The following GUF1 variants were observed in gnomAD, a reference collection of about 807,000 sequenced individuals.
GUF1 encodes the protein translation factor GUF1, mitochondrial.
Under a neutral mutation model 82.4 loss-of-function variants are expected in GUF1, and 78 were observed. That is an observed-to-expected ratio of 0.95 (90% CI 0.79 to 1.14). The LOEUF is 1.14. Ranked by LOEUF, GUF1 falls within the 50% of genes most tolerant of loss-of-function variation. GUF1 has a pLI of 0.00. For synonymous variants in GUF1, 279 were observed against 282.3 expected, an observed-to-expected ratio of 0.99 and a Z score of 0.12; for missense variants, 814 against 798.2, an observed-to-expected ratio of 1.02 and a Z score of -0.24.
Position 44,689,352 on chromosome 4 carries a change from A to G in GUF1, c.1145A>G (p.Asn382Ser). 2.5e-6 allele frequency: 4 copies of G among 1,610,790 alleles called. No homozygotes were observed. The highest frequency in any genetic ancestry group is 2.5e-6 in the Non-Finnish European group (3 of 1,177,858). Residue 382 changes from asparagine (N) to serine (S), a missense_variant, in exon 10 of 17, where the codon AAT becomes AGT. Asn to Ser is a conservative substitution (Grantham distance 46). Coordinates refer to ENST00000281543, the MANE Select transcript of GUF1 (RefSeq NM_021927.3). ...AGTGCTATAGAAAAACTGACTTTAA[A>G]TGATTCCAGTGTGACCGTTCATCGG... ...LKSAIEKLTLNDSSVTVHRDS... is the reference protein window; with the variant it reads ...LKSAIEKLTLSDSSVTVHRDS...
At chr4:44,680,644 CT>C (rs754058609) in intron 2 of GUF1, 49 bp from the exon 3 acceptor site, 11,414 of 1,183,016 alleles carry the variant, frequency 9.6e-3, no homozygotes, top group South Asian at 0.016. Flanking sequence ...GTAATATTCT[CT>C]TTTTTTTTTA....
chr4:44,689,594 A>G (rs1342433993), intron 10 of GUF1, among the ~76,000 whole-genome samples, 185 bp downstream of exon 10: 1 of 151,824 alleles, frequency 6.6e-6, no homozygotes, highest in Admixed American at 6.6e-5. Flanking sequence ...AACGAAAACA[A>G]TTTTTATCTG....
chr4:44,689,393 C>G lies in GUF1; in HGVS notation c.1186C>G (p.Leu396Val), dbSNP rs763786190. Residue 396 changes from leucine (L) to valine (V), a missense_variant, in exon 10 of 17, where the codon CTG becomes GTG. By Grantham distance (32) the Leu-to-Val change is conservative. Transcript: ENST00000281543. Reference protein sequence around the residue: ...VTVHRDSSLALGAGWRLGFLG... With the variant: ...VTVHRDSSLAVGAGWRLGFLG... ...CGTTCATCGGGATAGTAGCCTTGCT[C>G]TGGGTGCTGGCTGGAGGTAAGATTC... is the stretch of plus-strand genomic sequence containing the variant. 2 of 1,605,194 alleles carry G rather than the reference C, an allele frequency of 1.2e-6. No individual in the cohort carries two copies. The highest frequency in any genetic ancestry group is 2.2e-5 in the East Asian group (1 of 44,456).
intron 16 of GUF1, 78 bp downstream of exon 16, chr4:44,697,522 T>G (rs1715911571): frequency 2.8e-6 from 2 of 710,150 alleles, no homozygotes; most frequent in African/African-American, 3.7e-5. Context: ...CTTATTGATT[T>G]CCATTGTTGG....
At chr4:44,682,736 A>G (rs561987976) in intron 5 of GUF1, 5 of 179,450 alleles carry the variant, frequency 2.8e-5, no homozygotes, top group Non-Finnish European at 4.6e-5. Context: ...GGAAGAAACA[A>G]TACAACACAT....
chr4:44,697,064 ATTGGTAATTT>A, intron 15 of GUF1, among the ~76,000 whole-genome samples: 1 of 152,178 alleles, frequency 6.6e-6, no homozygotes, highest in East Asian at 1.9e-4. Context: ...TAATTTTTAG[ATTGGTAATTT>A]TTAGATTGAG....
intron 13 of GUF1, 81 bp downstream of exon 13, chr4:44,691,880 T>C (rs1015585374): frequency 5.2e-6 from 5 of 970,546 alleles, no homozygotes; most frequent in Middle Eastern, 4.7e-4. Flanking sequence ...ATTCTTCATT[T>C]ATTTAGTAAT....
Position 44,699,990 on chromosome 4 carries a change from C to T in GUF1, c.*1309C>T, listed in dbSNP as rs183104986. ...GTATTTCTCCAGAGCTCTCAGCTCC[C>T]ATGTTTATTCAGCCAACGAACAAAC... On this transcript the variant is annotated 3_prime_UTR_variant, in exon 17 of 17. Coordinates refer to ENST00000281543, the MANE Select transcript of GUF1 (RefSeq NM_021927.3). 1.3e-5 allele frequency: 2 copies of T among 152,312 alleles called. No individual in the cohort carries two copies. Among genetic ancestry groups the T allele is most frequent in the African/African-American group, 4.8e-5 (2 of 41,556 alleles). The allele number at this position is 152,312 out of a possible 1,614,324, so 9.4% of individuals were successfully genotyped here. A position where few individuals can be genotyped will look rare whatever the true frequency, so the allele number is the denominator to read the frequency against.
chr4:44,678,714 G>C lies in GUF1; in HGVS notation c.92G>C (p.Arg31Pro), dbSNP rs1461055127. ...GCGCTTCTGGTGGCCCCGGGGCCCC[G>C]GTCCGCGCCGACCCTTGGGGCTGCT... ...GAALLVAPGP[R>P]SAPTLGAAPE... The change falls in exon 1 of 17, where the codon CGG (arginine) becomes CCG (proline). Residue 31 changes from arginine (R) to proline (P), a missense_variant. Physicochemically the swap from Arg to Pro is moderately radical, Grantham distance 103. Transcript: ENST00000281543. The C allele has an allele frequency of 6.6e-7, 1 of 1,511,894 alleles. No homozygotes were observed. The highest frequency in any genetic ancestry group is 8.7e-7 in the Non-Finnish European group (1 of 1,143,812). The allele number at this position is 1,511,894 out of a possible 1,614,324, so 93.7% of individuals were successfully genotyped here. A position where few individuals can be genotyped will look rare whatever the true frequency, so the allele number is the denominator to read the frequency against.
In GUF1 at chr4:44,678,610, C is replaced by A; in HGVS notation, c.-13C>A. 1 of 1,446,350 alleles carries A rather than the reference C, an allele frequency of 6.9e-7. No individual in the cohort carries two copies. The highest frequency in any genetic ancestry group is 9.0e-7 in the Non-Finnish European group (1 of 1,109,550). The allele number at this position is 1,446,350 out of a possible 1,614,324, so 89.6% of individuals were successfully genotyped here. On this transcript the variant is annotated 5_prime_UTR_variant, in exon 1 of 17. Coordinates refer to ENST00000281543, the MANE Select transcript of GUF1 (RefSeq NM_021927.3). ...TGTGGGTACCCTCTCCTGACGCCTC[C>A]GCCGCCCGGGTCATGTGGACCCTCG...
In GUF1 at chr4:44,689,907, G is replaced by A. The variant is rs776511737; in HGVS notation, c.1267G>A (p.Ala423Thr). ...CCAGCGACTGGAGCAAGAATATAATGCTTCTGTTATTTTAACAACCCCTAC... is the reference window on the plus strand; with the variant it reads ...CCAGCGACTGGAGCAAGAATATAATACTTCTGTTATTTTAACAACCCCTAC... The part of the protein sequence containing the change: ...FNQRLEQEYN[A>T]SVILTTPTVP... The change falls in exon 11 of 17, where the codon GCT (alanine) becomes ACT (threonine). Residue 423 changes from alanine to threonine, a missense_variant. Transcript: ENST00000281543. The A allele has an allele frequency of 6.2e-7, 1 of 1,608,088 alleles. No homozygotes were observed. The highest frequency in any genetic ancestry group is 8.5e-7 in the Non-Finnish European group (1 of 1,175,838).
At chr4:44,688,582 A>C (rs1240518679) in intron 9 of GUF1, among the ~76,000 whole-genome samples, 1 of 151,906 alleles carries the variant, frequency 6.6e-6, no homozygotes, top group Non-Finnish European at 1.5e-5. Context: ...TCAAGTACGT[A>C]TAATTTCAGA....
chr4:44,678,908 G>T, intron 1 of GUF1, 121 bp downstream of exon 1: 1 of 1,009,084 alleles, frequency 9.9e-7, no homozygotes, highest in Non-Finnish European at 1.4e-6. Context: ...ACTTGGTACA[G>T]GGAGGCAGAG....
chr4:44,689,979 C>G lies in GUF1; in HGVS notation c.1335+4C>G. 1 of 1,566,504 alleles carries G rather than the reference C, an allele frequency of 6.4e-7. No homozygotes were observed. The highest frequency in any genetic ancestry group is 8.7e-7 in the Non-Finnish European group (1 of 1,151,078). On this transcript the variant is annotated splice_donor_region_variant and intron_variant, in intron 11 of 16. Transcript: ENST00000281543. ...GTCATCATCAAAATTGATAAAGGTA[C>G]TTGGTATTTAGTACTGGTATTTAGT...
At position 44,698,587 on chromosome 4, in the gene GUF1, A is replaced by G. The variant is rs1715997741; in HGVS notation, c.1916A>G (p.Gln639Arg). ...CGAAAAATGAAGCTTTTGAAGAGACAAGCAGAAGGGAAAAAAAAGCTGAGG... is the reference window on the plus strand; with the variant it reads ...CGAAAAATGAAGCTTTTGAAGAGACGAGCAGAAGGGAAAAAAAAGCTGAGG... ...ITRKMKLLKR[Q>R]AEGKKKLRKI... The change falls in exon 17 of 17, where the codon CAA (glutamine) becomes CGA (arginine). Residue 639 changes from glutamine to arginine, a missense_variant. Transcript: ENST00000281543. 4.4e-6 allele frequency: 7 copies of G among 1,608,448 alleles called. No individual in the cohort carries two copies. Among genetic ancestry groups the G allele is most frequent in the Non-Finnish European group, 5.9e-6 (7 of 1,178,312 alleles).
At chr4:44,681,527 C>A (rs1192213240) in intron 4 of GUF1, among the ~76,000 whole-genome samples, 3 of 152,014 alleles carry the variant, frequency 2.0e-5, no homozygotes, top group Admixed American at 6.6e-5. Flanking sequence ...TTTCTATATC[C>A]ATTTTTAGCA....
rs151008986 is a variant in GUF1 at position 44,686,576 on chromosome 4, A to T, written c.801A>T (p.Arg267Ser). ...TTGACTCCACCTTTGACCAGTATAGAGGTGTGATAGCCAATGTAGCATTAT... is the reference window on the plus strand; with the variant it reads ...TTGACTCCACCTTTGACCAGTATAGTGGTGTGATAGCCAATGTAGCATTAT... ...LVFDSTFDQY[R>S]GVIANVALFD... is the part of the protein sequence containing the mutation. Residue 267 changes from arginine (R) to serine (S), a missense_variant, in exon 8 of 17, where the codon AGA becomes AGT. By Grantham distance (110) the Arg-to-Ser change is moderately radical (BLOSUM62 -1). Coordinates refer to ENST00000281543, the MANE Select transcript of GUF1 (RefSeq NM_021927.3). The T allele has an allele frequency of 2.7e-4, 437 of 1,612,468 alleles. No homozygotes were observed. The highest frequency in any genetic ancestry group is 3.6e-4 in the Non-Finnish European group (422 of 1,178,920).
intron 12 of GUF1, 106 bp downstream of exon 12, chr4:44,690,966 TA>T: frequency 1.4e-6 from 1 of 701,558 alleles, no homozygotes; most frequent in South Asian, 2.8e-5. Context: ...ATACTGAATT[TA>T]ATGAGATTTT....
intron 14 of GUF1, 94 bp from the exon 15 acceptor site, chr4:44,695,521 A>G (rs1715751762): frequency 1.0e-6 from 1 of 979,874 alleles, no homozygotes; most frequent in Non-Finnish European, 1.5e-6. Context: ...CCTCCTTAAG[A>G]GATCACCTTT....
Sources: gnomAD v4.1 joint callset for allele counts (sites outside exome capture counted in the v4.1 genomes callset) on GRCh38, gnomAD v4.1.1 for gene constraint, MANE v1.5 for transcripts, NCBI Gene and HGNC (gene_info 2026-07-23, HGNC 2026-07-21) for gene names.